The following COMP variants were observed in gnomAD, a reference collection of about 807,000 sequenced individuals.
COMP encodes the protein cartilage oligomeric matrix protein (pseudoachondroplasia, epiphyseal dysplasia 1, multiple).
Under a neutral mutation model 95.8 loss-of-function variants are expected in COMP, and 79 were observed. That is an observed-to-expected ratio of 0.82 (90% CI 0.69 to 0.99). The LOEUF is 0.99. COMP is among the 50% of genes least tolerant of loss of function. COMP has a pLI of 0.00. For missense variants in COMP, 906 were observed against 1,076.1 expected (o/e 0.84, Z 2.21); for synonymous variants, 438 against 433.9 (o/e 1.01, Z -0.12).
Position 18,787,648 on chromosome 19 carries a change from G to A in COMP, c.978C>T (p.Asp326=), listed in dbSNP as rs2055177279. 6.2e-7 allele frequency: 1 copy of A among 1,613,742 alleles called. No individual in the cohort carries two copies. Among genetic ancestry groups the A allele is most frequent in the East Asian group, 2.2e-5 (1 of 44,876 alleles). Residue 326 remains aspartate, a splice_region_variant and synonymous_variant, in exon 10 of 19, where the codon GAC becomes GAT. Coordinates refer to ENST00000222271, the MANE Select transcript of COMP (RefSeq NM_000095.3). ...CTGGGTTCCGCACCAGCGGGCAGTT[G>A]TCCTGGATGACAGGGTGGGTTAAGG... ...ADGDGVPNEK[D]NCPLVRNPDQ... is the part of the protein sequence containing the mutation.
chr19:18,790,669 T>C (rs1568557480), intron 2 of COMP, 56 bp from the exon 3 acceptor site: 2 of 1,613,076 alleles, frequency 1.2e-6, no homozygotes, highest in East Asian at 2.2e-5. Context: ...CCCTCGGGTC[T>C]CCCCTCTCTC....
At chr19:18,790,800 G>A in intron 2 of COMP, 50 bp downstream of exon 2, 1 of 1,563,262 alleles carries the variant, frequency 6.4e-7, no homozygotes, top group Non-Finnish European at 8.6e-7. Context: ...TGGGAACTGA[G>A]ACCCCCTTCC....
At position 18,784,769 on chromosome 19, in the gene COMP, G is replaced by C; in HGVS notation, c.1914+127C>G. 9.5e-7 allele frequency: 1 copy of C among 1,052,682 alleles called. No individual in the cohort carries two copies. The highest frequency in any genetic ancestry group is 1.3e-5 in the South Asian group (1 of 76,226). 65.2% of individuals were successfully genotyped at this position (1,052,682 alleles called of 1,614,324 possible). On this transcript the variant is annotated intron_variant, in intron 16 of 18. Transcript: ENST00000222271. The surrounding 1 kb of genome is among the most constrained non-coding windows in gnomAD (Gnocchi z 4.9). ...GACTGCGGGAGCCCAGAGGAGGGCT[G>C]GGACAGCTTTGAGGTCCATAGTATG...
Position 18,789,034 on chromosome 19 carries a change from G to C in COMP, c.529-121C>G, listed in dbSNP as rs2055191324. ...ATCCTGCCCCAAACCGATCAGCCCTGGCGCAGCGGACCCCTCCTCTCCCCA... is the reference window on the plus strand; with the variant it reads ...ATCCTGCCCCAAACCGATCAGCCCTCGCGCAGCGGACCCCTCCTCTCCCCA... On this transcript the variant is annotated intron_variant, in intron 5 of 18. Transcript: ENST00000222271. The surrounding 1 kb of genome is among the most constrained non-coding windows in gnomAD (Gnocchi z 6.1). 1.9e-6 allele frequency: 3 copies of C among 1,540,128 alleles called. No homozygotes were observed. In the Admixed American group the frequency reaches 5.6e-5, roughly 29 times the overall value.
rs2055161403 is a variant in COMP at position 18,785,759 on chromosome 19, G to C, written c.1582C>G (p.Leu528Val). 1.2e-6 allele frequency: 2 copies of C among 1,613,466 alleles called. No individual in the cohort carries two copies. The highest frequency in any genetic ancestry group is 2.2e-5 in the South Asian group (2 of 91,092). ...DVCPENAEVT[L>V]TDFRAFQTVV... Reference sequence around the variant, plus strand: ...GTCTGGAAGGCCCTGAAGTCGGTGAGCGTGACTTCAGCGTTCTCCGGACAC... The same window carrying C: ...GTCTGGAAGGCCCTGAAGTCGGTGACCGTGACTTCAGCGTTCTCCGGACAC... Residue 528 changes from leucine (L) to valine (V), a missense_variant, in exon 14 of 19, where the codon CTC (leucine) becomes GTC (valine). Leu to Val is a conservative substitution (Grantham distance 32). Transcript: ENST00000222271.
rs2055182990 is a variant in COMP at position 18,788,094 on chromosome 19, G to A, written c.975+118C>T. 11 of 819,816 alleles carry A rather than the reference G, an allele frequency of 1.3e-5. No homozygotes were observed. The East Asian group carries it at 2.9e-4, about 22-fold the overall frequency. 50.8% of individuals were successfully genotyped at this position (819,816 alleles called of 1,614,324 possible). A position where few individuals can be genotyped will look rare whatever the true frequency, so the allele number is the denominator to read the frequency against. ...AATTTTTGTATTTTTAGTAGAGGAG[G>A]GGTTTCACCATGATGGCCAGGATGG... On this transcript the variant is annotated intron_variant, in intron 9 of 18. Transcript: ENST00000222271. The surrounding 1 kb of genome is among the most constrained non-coding windows in gnomAD (Gnocchi z 4.7).
intron 11 of COMP, 22 bp from the exon 12 acceptor site, chr19:18,786,313 G>A (rs751814855): frequency 6.2e-7 from 1 of 1,613,608 alleles, no homozygotes; most frequent in South Asian, 1.1e-5. Context: ...AGCATGCGGG[G>A]GTCCATAATC....
In COMP at chr19:18,788,572, C is replaced by A; in HGVS notation, c.762+20G>T. ...GGCCGCCACCCAACCCCGCCTCAAG[C>A]CCAGCCCGCCCGCACTCACCACGCA... is the stretch of plus-strand genomic sequence containing the variant. On this transcript the variant is annotated intron_variant, in intron 7 of 18. Transcript: ENST00000222271. This position sits in a 1 kb window ranked among gnomAD's most constrained non-coding sequence, Gnocchi z 4.7. The A allele has an allele frequency of 6.4e-7, 1 of 1,557,416 alleles. No homozygotes were observed. Among genetic ancestry groups the A allele is most frequent in the Non-Finnish European group, 8.7e-7 (1 of 1,151,292 alleles).
Position 18,788,810 on chromosome 19 carries a change from A to T in COMP, c.603+29T>A. 6.2e-7 allele frequency: 1 copy of T among 1,612,518 alleles called. No individual in the cohort carries two copies. Among genetic ancestry groups the T allele is most frequent in the Non-Finnish European group, 8.5e-7 (1 of 1,179,558 alleles). ...CCCGCCGCTCGCCCCACCTCCCGCGATCCTTTCTTCCTCCCCAGCGGGCCT... is the reference window on the plus strand; with the variant it reads ...CCCGCCGCTCGCCCCACCTCCCGCGTTCCTTTCTTCCTCCCCAGCGGGCCT... On this transcript the variant is annotated intron_variant, in intron 6 of 18. Transcript: ENST00000222271. The surrounding 1 kb of genome is among the most constrained non-coding windows in gnomAD (Gnocchi z 4.7).
chr19:18,791,007 C>T (rs1179729219), intron 1 of COMP, 72 bp from the exon 2 acceptor site: 2 of 1,537,042 alleles, frequency 1.3e-6, no homozygotes, highest in Admixed American at 2.0e-5. Context: ...ACCGTTGCAG[C>T]GAACCCGGAC....
rs1479971366 is a variant in COMP, at chr19:18,787,502, A to T, written c.1124T>A (p.Ile375Asn). The stretch of plus-strand genomic sequence containing the variant: ...CCCATCGAGCTCACGGTCGCCGTCG[A>T]TGTCGTCGTCGCACGCATCGCCCCG... ...DGRGDACDDD[I>N]DGDRIRNQAD... Residue 375 changes from isoleucine to asparagine, a missense_variant, in exon 10 of 19, where the codon ATC becomes AAC. Ile to Asn is a moderately radical substitution (Grantham distance 149). Coordinates refer to ENST00000222271, the MANE Select transcript of COMP (RefSeq NM_000095.3). 4 of 1,612,162 alleles carry T rather than the reference A, an allele frequency of 2.5e-6. No individual in the cohort carries two copies. The highest frequency in any genetic ancestry group is 3.4e-6 in the Non-Finnish European group (4 of 1,179,864).
In COMP at chr19:18,789,955, G is replaced by T. The variant is rs886054305; in HGVS notation, c.377C>A (p.Thr126Asn). 1 of 1,592,866 alleles carries T rather than the reference G, an allele frequency of 6.3e-7. No homozygotes were observed. Among genetic ancestry groups the T allele is most frequent in the South Asian group, 1.1e-5 (1 of 90,346 alleles). Residue 126 changes from threonine to asparagine, a missense_variant, in exon 4 of 19, where the codon ACC becomes AAC. Transcript: ENST00000222271. The surrounding 1 kb of genome is among the most constrained non-coding windows in gnomAD (Gnocchi z 6.1). ...GGGCTAGCGCACCTCGTTGACGTCG[G>T]TGCAGTGCGAGCCGTTGCCCGTGAA... is the stretch of plus-strand genomic sequence containing the variant. ...AGFTGNGSHC[T>N]DVNECNAHPC...
At chr19:18,785,197 G>GAGGT in intron 15 of COMP, 105 bp from the exon 16 acceptor site, 1 of 1,132,758 alleles carries the variant, frequency 8.8e-7, no homozygotes, top group East Asian at 2.4e-5. Context: ...TCTGCCTGCA[G>GAGGT]ACCTGCACCA....
In COMP at chr19:18,784,910, C is replaced by G. The variant is rs891634540; in HGVS notation, c.1900G>C (p.Gly634Arg). 6.2e-7 allele frequency: 1 copy of G among 1,613,854 alleles called. No homozygotes were observed. Among genetic ancestry groups the G allele is most frequent in the Non-Finnish European group, 8.5e-7 (1 of 1,179,956 alleles). Residue 634 changes from glycine (G) to arginine (R), a missense_variant, in exon 16 of 19, where the codon GGC (glycine) becomes CGC (arginine). Transcript: ENST00000222271. This position sits in a 1 kb window ranked among gnomAD's most constrained non-coding sequence, Gnocchi z 4.9. ...ANPFRAVAEP[G>R]IQLKAVKSST... ...GGCCCTGGCACCTTGAGTTGGATGC[C>G]AGGCTCGGCCACAGCACGGAAGGGG...
intron 10 of COMP, chr19:18,787,105 G>A: frequency 5.1e-6 from 2 of 390,558 alleles, no homozygotes; most frequent in South Asian, 4.5e-5. Context: ...TCCCATCCAA[G>A]GGAAGGCTAG....
chr19:18,790,253 C>A (rs1482820678), intron 3 of COMP, 139 bp from the exon 4 acceptor site: 149 of 631,862 alleles, frequency 2.4e-4, no homozygotes, highest in Non-Finnish European at 2.0e-4. Flanking sequence ...AAATCCTGCG[C>A]TGTCCGCGAT....
In COMP at chr19:18,788,730, C is replaced by G. The variant is rs1320381990; in HGVS notation, c.624G>C (p.Pro208=). The change falls in exon 7 of 19, where the codon CCG becomes CCC. Residue 208 remains proline (P), a synonymous_variant. Coordinates refer to ENST00000222271, the MANE Select transcript of COMP (RefSeq NM_000095.3). The surrounding 1 kb of genome is among the most constrained non-coding windows in gnomAD (Gnocchi z 4.7). ...GGTCGCCCACGAAGCCGGGCTGGCA[C>G]GGGCCGCACTGGAAGGAGCCCTGCG... is the stretch of plus-strand genomic sequence containing the variant. ...INTRGSFQCG[P]CQPGFVGDQA... 6.4e-7 allele frequency: 1 copy of G among 1,550,892 alleles called. No individual in the cohort carries two copies. The highest frequency in any genetic ancestry group is 8.7e-7 in the Non-Finnish European group (1 of 1,148,410).
chr19:18,790,626 G>C lies in COMP; in HGVS notation c.166-13C>G, dbSNP rs147415441. 6.2e-7 allele frequency: 1 copy of C among 1,613,802 alleles called. No individual in the cohort carries two copies. The highest frequency in any genetic ancestry group is 8.5e-7 in the Non-Finnish European group (1 of 1,179,860). ...TGATCTCCCTGACCTGCAGGGGTGG[G>C]ATGGAATCAGCGGGGTCCCAACCTC... is the stretch of plus-strand genomic sequence containing the variant. On this transcript the variant is annotated splice_polypyrimidine_tract_variant and intron_variant, in intron 2 of 18. Transcript: ENST00000222271.
rs756568697 is a variant in COMP, at chr19:18,786,055, C to A, written c.1399G>T (p.Ala467Ser). 6.2e-7 allele frequency: 1 copy of A among 1,613,956 alleles called. No homozygotes were observed. The highest frequency in any genetic ancestry group is 1.1e-5 in the South Asian group (1 of 91,082). The change falls in exon 13 of 19, where the codon GCC becomes TCC. Residue 467 changes from alanine to serine, a missense_variant. Transcript: ENST00000222271. ...TCATTGTCGTCGTCGTCGTCGCAGG[C>A]ATCACCCTGGCCATCGTGGTCTGAG... ...EDSDHDGQGDACDDDDDNDGV... is the reference protein window; with the variant it reads ...EDSDHDGQGDSCDDDDDNDGV...
Sources: gnomAD v4.1 joint callset for allele counts on GRCh38, gnomAD v4.1.1 for gene constraint, Gnocchi (gnomAD v3.1) non-coding constraint, MANE v1.5 for transcripts, NCBI Gene and HGNC (gene_info 2026-07-23, HGNC 2026-07-21) for gene names.